Variants in KCTD8 observed in about 807,000 individuals in gnomAD.
KCTD8 encodes BTB/POZ domain-containing protein KCTD8.
KCTD8 carries 27 observed loss-of-function variants against 31.5 expected under a neutral mutation model. The observed-to-expected ratio is 0.86, with a 90% confidence interval of 0.63 to 1.18. The LOEUF is 1.18. Ranked by LOEUF, KCTD8 falls within the 50% of genes most tolerant of loss-of-function variation. KCTD8 has a pLI of 0.00. For synonymous variants in KCTD8, 290 were observed against 280.0 expected (o/e 1.04, Z -0.36); for missense variants, 658 against 647.7 (o/e 1.02, Z -0.17).
chr4:44,188,430 A>G (rs1713657074), intron 1 of KCTD8, among the ~76,000 whole-genome samples: 1 of 152,198 alleles, frequency 6.6e-6, no homozygotes, highest in Non-Finnish European at 1.5e-5. Flanking sequence ...TGTGTCTTTA[A>G]GGTTCATTTT....
At chr4:44,243,392 C>T (rs559069073) in intron 1 of KCTD8, among the ~76,000 whole-genome samples, 3 of 152,272 alleles carry the variant, frequency 2.0e-5, no homozygotes, top group South Asian at 2.1e-4. Context: ...ACTTACAGTA[C>T]ACCATATACA....
chr4:44,333,978 T>C (rs1036477719), intron 1 of KCTD8, among the ~76,000 whole-genome samples: 2 of 152,196 alleles, frequency 1.3e-5, no homozygotes, highest in African/African-American at 2.4e-5. Flanking sequence ...GTTAGAAGCA[T>C]GAGAAAAATT....
chr4:44,359,401 TA>T (rs1719440537), intron 1 of KCTD8, among the ~76,000 whole-genome samples: 1 of 152,136 alleles, frequency 6.6e-6, no homozygotes, highest in Non-Finnish European at 1.5e-5. Context: ...TAAAATGAAA[TA>T]AATTTTGCAT....
At chr4:44,400,918 C>T (rs1720634604) in intron 1 of KCTD8, among the ~76,000 whole-genome samples, 1 of 151,498 alleles carries the variant, frequency 6.6e-6, no homozygotes, top group Non-Finnish European at 1.5e-5. Context: ...CTCACCACAG[C>T]CTTGAACTCC....
chr4:44,388,354 G>C (rs889120450), intron 1 of KCTD8, among the ~76,000 whole-genome samples: 1 of 151,898 alleles, frequency 6.6e-6, no homozygotes, highest in African/African-American at 2.4e-5. Flanking sequence ...CCATTACTGG[G>C]TATATGCCCA....
intron 1 of KCTD8, among the ~76,000 whole-genome samples, chr4:44,182,091 G>A (rs1350544700): frequency 4.0e-5 from 6 of 151,672 alleles, no homozygotes; most frequent in South Asian, 2.1e-4. Flanking sequence ...GAGCCCCTCC[G>A]CCCGACAGCC....
intron 1 of KCTD8, among the ~76,000 whole-genome samples, chr4:44,198,506 G>T (rs1348320357): frequency 1.3e-5 from 2 of 152,076 alleles, no homozygotes; most frequent in African/African-American, 4.8e-5. Flanking sequence ...CATATTTTCA[G>T]CATCCTCAAA....
intron 1 of KCTD8, among the ~76,000 whole-genome samples, chr4:44,390,496 G>T (rs1249727633): frequency 3.3e-5 from 5 of 151,998 alleles, no homozygotes; most frequent in Admixed American, 3.3e-4. Context: ...ATTGGTCTAT[G>T]TGCCTATTTT....
chr4:44,420,072 C>T (rs1721175454), intron 1 of KCTD8, among the ~76,000 whole-genome samples: 1 of 150,940 alleles, frequency 6.6e-6, no homozygotes, highest in Non-Finnish European at 1.5e-5. Flanking sequence ...TATTTTAATA[C>T]TACACAAAAT....
chr4:44,208,423 G>A (rs1447912321), intron 1 of KCTD8, among the ~76,000 whole-genome samples: 1 of 152,126 alleles, frequency 6.6e-6, no homozygotes, highest in Non-Finnish European at 1.5e-5. Context: ...ATCCTAATGA[G>A]TAGCCTTTTA....
At chr4:44,332,353 TTC>T (rs1265728414) in intron 1 of KCTD8, among the ~76,000 whole-genome samples, 1 of 152,016 alleles carries the variant, frequency 6.6e-6, no homozygotes, top group Non-Finnish European at 1.5e-5. Flanking sequence ...ACCTTCAGCC[TTC>T]TCTGTTACAC....
intron 1 of KCTD8, among the ~76,000 whole-genome samples, chr4:44,307,112 G>T (rs1206541563): frequency 1.3e-5 from 2 of 151,882 alleles, no homozygotes; most frequent in Non-Finnish European, 2.9e-5. Context: ...TACAAATAAA[G>T]ATATTTTATT....
At chr4:44,176,466 T>A (rs1713217712) in intron 1 of KCTD8, among the ~76,000 whole-genome samples, 2 of 152,304 alleles carry the variant, frequency 1.3e-5, no homozygotes, top group South Asian at 4.1e-4. Flanking sequence ...CTGATCAGTC[T>A]AATATATATG....
At chr4:44,309,911 T>A (rs1486184965) in intron 1 of KCTD8, among the ~76,000 whole-genome samples, 1 of 152,154 alleles carries the variant, frequency 6.6e-6, no homozygotes, top group Non-Finnish European at 1.5e-5. Flanking sequence ...AAATTATTTA[T>A]GCTCACAGTT....
At chr4:44,377,614 C>G (rs930563602) in intron 1 of KCTD8, among the ~76,000 whole-genome samples, 1 of 152,268 alleles carries the variant, frequency 6.6e-6, no homozygotes, top group Admixed American at 6.5e-5. Flanking sequence ...CAGCCTGCGG[C>G]GTCCAGGACA....
chr4:44,356,841 A>G (rs576138961), intron 1 of KCTD8, among the ~76,000 whole-genome samples: 1 of 152,284 alleles, frequency 6.6e-6, no homozygotes, highest in African/African-American at 2.4e-5. Context: ...TTTCTGTCTC[A>G]GACACCTGCT....
At chr4:44,250,004 T>C (rs983323032) in intron 1 of KCTD8, among the ~76,000 whole-genome samples, 1 of 151,828 alleles carries the variant, frequency 6.6e-6, no homozygotes, top group Non-Finnish European at 1.5e-5. Flanking sequence ...ATTACACAAA[T>C]GGTGTCGATT....
At chr4:44,238,898 A>G (rs923385699) in intron 1 of KCTD8, among the ~76,000 whole-genome samples, 3 of 152,204 alleles carry the variant, frequency 2.0e-5, no homozygotes, top group Admixed American at 2.0e-4. Context: ...CCCAAAATAA[A>G]TGTTGCACAT....
At chr4:44,422,387 GAACT>G (rs1481920169) in intron 1 of KCTD8, among the ~76,000 whole-genome samples, 3 of 152,016 alleles carry the variant, frequency 2.0e-5, no homozygotes, top group Non-Finnish European at 4.4e-5. Flanking sequence ...ACAGGAGACA[GAACT>G]AACATCCATA....
Sources: gnomAD v4.1 joint callset for allele counts (sites outside exome capture counted in the v4.1 genomes callset) on GRCh38, gnomAD v4.1.1 for gene constraint, MANE v1.5 for transcripts, NCBI Gene and HGNC (gene_info 2026-07-23, HGNC 2026-07-21) for gene names.